Variants in ZNF486 observed in about 807,000 individuals in gnomAD.
ZNF486 encodes the protein KRAB box only protein 2.
In ZNF486, 12 loss-of-function variants were observed where a neutral mutation model predicts 12.8. The observed-to-expected ratio is 0.94, with a 90% CI of 0.60 to 1.52. ZNF486 has a LOEUF of 1.52. Ranked by LOEUF, ZNF486 falls within the 40% of genes most tolerant of loss-of-function variation. The probability of loss-of-function intolerance (pLI) is 0.00; values close to 1 mark genes in which losing one functional copy is unlikely to be tolerated. For synonymous variants in ZNF486, 231 were observed against 184.9 expected (o/e 1.25, Z -2.02); for missense variants, 738 against 545.0 (o/e 1.35, Z -3.53).
rs560333293 is a variant in ZNF486 at position 20,169,073 on chromosome 19, T to TCA, written c.30+1713_30+1714insCA. ...CCAGGCTGGTGTCGAACTCCTGACC[T>TCA]TGTGATCCGCCTACCTCAGCCTCCC... On this transcript the variant is annotated intron_variant, in intron 1 of 3. Transcript: ENST00000335117. Among the ~76,000 whole-genome samples the TCA allele has an allele frequency of 2.4e-3, 363 of 151,972 alleles. 4 individuals carry two copies. The highest frequency in any genetic ancestry group is 8.3e-3 in the African/African-American group (343 of 41,468).
At chr19:20,169,064 C>A (rs2089616834) in intron 1 of ZNF486, among the ~76,000 whole-genome samples, 2 of 151,740 alleles carry the variant, frequency 1.3e-5, no homozygotes, top group Admixed American at 1.3e-4. Context: ...TGGTGTCGAA[C>A]TCCTGACCTT....
At chr19:20,194,007 A>T (rs1209012318) in intron 3 of ZNF486, among the ~76,000 whole-genome samples, 1 of 152,194 alleles carries the variant, frequency 6.6e-6, no homozygotes, top group Admixed American at 6.5e-5. Context: ...CAACTTTGTT[A>T]CTGATTTTGC....
At position 20,192,271 on chromosome 19, in the gene ZNF486, C is replaced by G. The variant is rs2089910160; in HGVS notation, c.254-4693C>G. Among the ~76,000 whole-genome samples the G allele has an allele frequency of 2.6e-5, 4 of 152,218 alleles. No individual in the cohort carries two copies. In the East Asian group the frequency reaches 7.7e-4, roughly 29 times the overall value. ...ATACTGTATGCTTTTAAAGAAACCACTGAGGCATTCTATAGCTTTTTCTTC... is the reference window on the plus strand; with the variant it reads ...ATACTGTATGCTTTTAAAGAAACCAGTGAGGCATTCTATAGCTTTTTCTTC... On this transcript the variant is annotated intron_variant, in intron 3 of 3. Coordinates refer to ENST00000335117, the MANE Select transcript of ZNF486 (RefSeq NM_052852.4).
At position 20,184,438 on chromosome 19, in the gene ZNF486, A is replaced by G. The variant is rs781833167; in HGVS notation, c.113A>G (p.Tyr38Cys). ...HCLDTAQQNLYRDVMLENYRH... is the reference protein window; with the variant it reads ...HCLDTAQQNLCRDVMLENYRH... ...CTGGACACTGCACAGCAGAATTTAT[A>G]TAGGGATGTGATGTTAGAGAACTAC... Residue 38 changes from tyrosine to cysteine, a missense_variant, in exon 2 of 4, where the codon TAT becomes TGT. By Grantham distance (194) the Tyr-to-Cys change is radical. Transcript: ENST00000335117. 2.5e-6 allele frequency: 4 copies of G among 1,613,438 alleles called. No homozygotes were observed. Among genetic ancestry groups the G allele is most frequent in the South Asian group, 2.2e-5 (2 of 91,054 alleles).
At chr19:20,171,640 C>T (rs552400720) in intron 1 of ZNF486, among the ~76,000 whole-genome samples, 2 of 152,352 alleles carry the variant, frequency 1.3e-5, no homozygotes, top group South Asian at 4.1e-4. Flanking sequence ...AGTACAGCCC[C>T]ACCTGGGCCA....
chr19:20,187,896 G>T (rs560034676), intron 3 of ZNF486, among the ~76,000 whole-genome samples: 1 of 152,102 alleles, frequency 6.6e-6, no homozygotes, highest in Non-Finnish European at 1.5e-5. Flanking sequence ...TGGAGAGGGG[G>T]TGTAGCTTGG....
chr19:20,196,915 T>G, intron 3 of ZNF486, 49 bp from the exon 4 acceptor site: 1 of 1,507,038 alleles, frequency 6.6e-7, no homozygotes, highest in Non-Finnish European at 8.8e-7. Flanking sequence ...TAAAGTATAT[T>G]TATCTGAGTC....
chr19:20,178,725 A>G (rs1376185782), intron 1 of ZNF486, among the ~76,000 whole-genome samples: 1 of 152,146 alleles, frequency 6.6e-6, no homozygotes, highest in African/African-American at 2.4e-5. Context: ...TTGTGTCTCT[A>G]TTTGTTATCT....
chr19:20,177,487 T>A (rs1241101558), intron 1 of ZNF486, among the ~76,000 whole-genome samples: 4 of 152,266 alleles, frequency 2.6e-5, no homozygotes, highest in African/African-American at 9.6e-5. Context: ...CTTCTACTTA[T>A]GGACTAATTA....
chr19:20,198,249 C>T lies in ZNF486; in HGVS notation c.*147C>T, dbSNP rs1599721272. 1.5e-6 allele frequency: 1 copy of T among 665,922 alleles called. No individual in the cohort carries two copies. Among genetic ancestry groups the T allele is most frequent in the East Asian group, 2.8e-5 (1 of 36,308 alleles). 41.3% of individuals were successfully genotyped at this position (665,922 alleles called of 1,614,324 possible). A position where few individuals can be genotyped will look rare whatever the true frequency, so the allele number is the denominator to read the frequency against. On this transcript the variant is annotated 3_prime_UTR_variant, in exon 4 of 4. Transcript: ENST00000335117. ...CTCCTTAGTAGCTAGGATTACAGGG[C>T]TGCACCACCACACCTGGCTAATTTT...
chr19:20,178,230 G>C (rs1308849944), intron 1 of ZNF486, among the ~76,000 whole-genome samples: 1 of 151,134 alleles, frequency 6.6e-6, no homozygotes, highest in East Asian at 2.0e-4. Context: ...GTCCAGCGAA[G>C]AAAATTGTTC....
Position 20,200,445 on chromosome 19 carries a change from CTTA to C in ZNF486, c.*2346_*2348del, listed in dbSNP as rs1332304171. The C allele has an allele frequency of 6.6e-5, 10 of 151,992 alleles. No homozygotes were observed. Among genetic ancestry groups the C allele is most frequent in the African/African-American group, 2.4e-4 (10 of 41,348 alleles). 9.4% of individuals were successfully genotyped at this position (151,992 alleles called of 1,614,324 possible). A position where few individuals can be genotyped will look rare whatever the true frequency, so the allele number is the denominator to read the frequency against. ...TATTAAACTAAATTCGTATATTTTACTTATTGTACTTTTATGTAATAAAATGCA... is the reference window on the plus strand; with the variant it reads ...TATTAAACTAAATTCGTATATTTTACTTGTACTTTTATGTAATAAAATGCA... On this transcript the variant is annotated 3_prime_UTR_variant, in exon 4 of 4. Transcript: ENST00000335117.
chr19:20,172,404 T>A (rs2089658294), intron 1 of ZNF486, among the ~76,000 whole-genome samples: 1 of 151,998 alleles, frequency 6.6e-6, no homozygotes, highest in South Asian at 2.1e-4. Flanking sequence ...CTTCGAGTGA[T>A]TCTCCTGCCT....
intron 3 of ZNF486, 46 bp downstream of exon 3, chr19:20,186,128 G>A: frequency 1.4e-6 from 2 of 1,452,566 alleles, no homozygotes; most frequent in Non-Finnish European, 1.8e-6. Context: ...CAGATAAGAG[G>A]TCCCAAGGTC....
chr19:20,173,103 G>A (rs918225827), intron 1 of ZNF486, among the ~76,000 whole-genome samples: 1 of 152,200 alleles, frequency 6.6e-6, no homozygotes, highest in Non-Finnish European at 1.5e-5. Context: ...TTTTGTTGCA[G>A]TTGCTTTGGG....
chr19:20,167,226 A>T lies in ZNF486; in HGVS notation c.-105A>T, dbSNP rs544936972. 1.7e-4 allele frequency: 242 copies of T among 1,420,360 alleles called. 1 individual carries two copies. In the African/African-American group the frequency reaches 2.7e-3, roughly 16 times the overall value. The allele number at this position is 1,420,360 out of a possible 1,614,324, so 88.0% of individuals were successfully genotyped here. On this transcript the variant is annotated 5_prime_UTR_variant, in exon 1 of 4. Coordinates refer to ENST00000335117, the MANE Select transcript of ZNF486 (RefSeq NM_052852.4). ...TGGCGCGGCCTTTGTCTCTCGCTGC[A>T]TCTGGAGCTCTAGGTCGCCTCTTCG...
intron 3 of ZNF486, among the ~76,000 whole-genome samples, chr19:20,189,082 CT>C (rs1286589116): frequency 6.6e-6 from 1 of 152,000 alleles, no homozygotes; most frequent in East Asian, 1.9e-4. Context: ...TGTTGCTTTT[CT>C]TTTTTTCTAG....
At chr19:20,176,143 A>C (rs936307336) in intron 1 of ZNF486, 1 of 184,076 alleles carries the variant, frequency 5.4e-6, no homozygotes, top group Non-Finnish European at 1.1e-5. Flanking sequence ...CTCACCTCCC[A>C]GACGGGGTCG....
rs1555716015 is a variant in ZNF486, at chr19:20,184,391, C to A, written c.66C>A (p.Phe22Leu). The A allele has an allele frequency of 6.2e-7, 1 of 1,613,486 alleles. No homozygotes were observed. Among genetic ancestry groups the A allele is most frequent in the South Asian group, 1.1e-5 (1 of 91,060 alleles). ...AATTTAGAGATGTGGCTGTAGAATT[C>A]TCTCTGGAGGAGTGGCATTGCCTGG... is the stretch of plus-strand genomic sequence containing the variant. ...SLQFRDVAVE[F>L]SLEEWHCLDT... The change falls in exon 2 of 4, where the codon TTC (phenylalanine) becomes TTA (leucine). Residue 22 changes from phenylalanine to leucine, a missense_variant. Physicochemically the swap from Phe to Leu is conservative, Grantham distance 22. Coordinates refer to ENST00000335117, the MANE Select transcript of ZNF486 (RefSeq NM_052852.4).
Sources: gnomAD v4.1 joint callset for allele counts (sites outside exome capture counted in the v4.1 genomes callset) on GRCh38, gnomAD v4.1.1 for gene constraint, MANE v1.5 for transcripts, NCBI Gene and HGNC (gene_info 2026-07-23, HGNC 2026-07-21) for gene names.